The following YARS1 variants were observed in gnomAD, a reference collection of about 807,000 sequenced individuals.
YARS1 encodes tyrosyl-tRNA synthetase 1.
In YARS1, 36 loss-of-function variants were observed where a neutral mutation model predicts 62.2. The observed-to-expected ratio is 0.58, with a 90% CI of 0.44 to 0.76. YARS1 has a LOEUF of 0.76. Ranked by LOEUF, YARS1 falls within the 30% of genes least tolerant of loss-of-function variation. YARS1 has a pLI of 0.00. For synonymous variants in YARS1, 234 were observed against 244.9 expected (o/e 0.96, Z 0.42); for missense variants, 524 against 639.8 (o/e 0.82, Z 1.95).
intron 2 of YARS1, 29 bp from the exon 3 acceptor site, chr1:32,810,795 T>C: frequency 4.3e-6 from 7 of 1,614,164 alleles, no homozygotes; most frequent in Non-Finnish European, 5.1e-6. Context: ...GCCACCAAAA[T>C]GTGAATTTGT....
At position 32,817,317 on chromosome 1, in the gene YARS1, T is replaced by C; in HGVS notation, c.-73A>G. On this transcript the variant is annotated 5_prime_UTR_variant, in exon 1 of 13. Transcript: ENST00000373477. Reference sequence around the variant, plus strand: ...TTCCTGGGTCACCGTCGCCGCCGCGTGCCGGGAACTGTCACGCGAGTCCAG... The same window carrying C: ...TTCCTGGGTCACCGTCGCCGCCGCGCGCCGGGAACTGTCACGCGAGTCCAG... 6.3e-7 allele frequency: 1 copy of C among 1,586,808 alleles called. No homozygotes were observed. Among genetic ancestry groups the C allele is most frequent in the Non-Finnish European group, 8.6e-7 (1 of 1,160,216 alleles).
chr1:32,782,304 C>G (rs545661054), intron 9 of YARS1, 100 bp downstream of exon 9: 9 of 1,593,638 alleles, frequency 5.6e-6, no homozygotes, highest in Non-Finnish European at 7.7e-6. Context: ...CTTCAGACCC[C>G]CTGGGTTGTT....
At position 32,775,777 on chromosome 1, in the gene YARS1, G is replaced by T. The variant is rs772114341; in HGVS notation, c.*204C>A. 1.3e-5 allele frequency: 8 copies of T among 607,720 alleles called. No individual in the cohort carries two copies. Among genetic ancestry groups the T allele is most frequent in the Non-Finnish European group, 2.4e-5 (8 of 338,098 alleles). The allele number at this position is 607,720 out of a possible 1,614,324, so 37.6% of individuals were successfully genotyped here. On this transcript the variant is annotated 3_prime_UTR_variant, in exon 13 of 13. Coordinates refer to ENST00000373477, the MANE Select transcript of YARS1 (RefSeq NM_003680.4). ...CTGCTGTGGCCCAGCCCTTGTTAGGGGTTGGTCTCTCACTGCAGCCAGACA... is the reference window on the plus strand; with the variant it reads ...CTGCTGTGGCCCAGCCCTTGTTAGGTGTTGGTCTCTCACTGCAGCCAGACA...
chr1:32,811,046 C>T lies in YARS1; in HGVS notation c.69G>A (p.Gly23=). The change falls in exon 2 of 13, where the codon GGG becomes GGA. Residue 23 remains glycine, a synonymous_variant. Transcript: ENST00000373477. ...LITRNLQEVL[G]EEKLKEILKE... is the part of the protein sequence containing the mutation. ...TCAGTATCTCCTTCAGCTTCTCTTC[C>T]CCCAGAACCTCCTATTGTGGAAGCA... 1 of 1,614,114 alleles carries T rather than the reference C, an allele frequency of 6.2e-7. No homozygotes were observed.
intron 9 of YARS1, chr1:32,782,181 G>T: frequency 1.6e-6 from 1 of 644,054 alleles, no homozygotes; most frequent in Non-Finnish European, 2.6e-6. Flanking sequence ...TACACCAGCA[G>T]CTCTCAGCAA....
At chr1:32,805,477 C>T (rs1263177303) in intron 4 of YARS1, among the ~76,000 whole-genome samples, 2 of 152,102 alleles carry the variant, frequency 1.3e-5, no homozygotes, top group East Asian at 3.9e-4. Context: ...TCTATATCAG[C>T]ATAAGTGAAA....
chr1:32,799,528 A>T lies in YARS1; in HGVS notation c.511-1685T>A, dbSNP rs139287297. Among the ~76,000 whole-genome samples the T allele has an allele frequency of 7.7e-3, 1,169 of 152,336 alleles. 14 individuals are homozygous for T. The highest frequency in any genetic ancestry group is 0.026 in the African/African-American group (1,084 of 41,580). On this transcript the variant is annotated intron_variant, in intron 4 of 12. Coordinates refer to ENST00000373477, the MANE Select transcript of YARS1 (RefSeq NM_003680.4). ...AGCAAGAATGAATTTAAGACATTTT[A>T]AAAAAGTAGAATCGATAAGATTTAG...
intron 8 of YARS1, 84 bp from the exon 9 acceptor site, chr1:32,782,623 G>A: frequency 6.3e-7 from 1 of 1,578,798 alleles, no homozygotes; most frequent in African/African-American, 1.3e-5. Flanking sequence ...GATCAAGGGA[G>A]TTTTTCCCAA....
rs1251917740 is a variant in YARS1 at position 32,786,298 on chromosome 1, ACAGT to A, written c.906+60_906+63del. 3.6e-5 allele frequency: 55 copies of A among 1,521,456 alleles called. No homozygotes were observed. In the East Asian group the frequency reaches 1.2e-3, roughly 33 times the overall value. 94.2% of individuals were successfully genotyped at this position (1,521,456 alleles called of 1,614,324 possible). On this transcript the variant is annotated intron_variant, in intron 8 of 12. Transcript: ENST00000373477. ...AACAAGTTGTTCTAAACAAGTTCTA[ACAGT>A]CAGCAAAAAATAACAAAATACAGAT...
chr1:32,786,893 CTT>C (rs776917593), intron 7 of YARS1, 45 bp downstream of exon 7: 6 of 1,613,168 alleles, frequency 3.7e-6, no homozygotes, highest in Non-Finnish European at 4.2e-6. Context: ...ACAGCACGAA[CTT>C]TTCTATTCTA....
intron 4 of YARS1, among the ~76,000 whole-genome samples, chr1:32,801,700 G>A (rs962687503): frequency 2.6e-5 from 4 of 152,122 alleles, no homozygotes; most frequent in African/African-American, 9.7e-5. Context: ...TTTCAATATT[G>A]GAGTCCATCC....
At chr1:32,778,005 G>A (rs1463168219) in intron 12 of YARS1, among the ~76,000 whole-genome samples, 1 of 151,942 alleles carries the variant, frequency 6.6e-6, no homozygotes, top group Non-Finnish European at 1.5e-5. Context: ...GATTCACAAA[G>A]TCAGCCTAGA....
chr1:32,800,912 A>G (rs934012565), intron 4 of YARS1, among the ~76,000 whole-genome samples: 11 of 152,192 alleles, frequency 7.2e-5, no homozygotes, highest in Non-Finnish European at 1.6e-4. Flanking sequence ...TCGTACAAAT[A>G]TATGTGCACA....
At chr1:32,807,692 G>C (rs1404710080) in intron 3 of YARS1, among the ~76,000 whole-genome samples, 2 of 151,956 alleles carry the variant, frequency 1.3e-5, no homozygotes, top group Non-Finnish European at 2.9e-5. Flanking sequence ...TGCTGGGCTC[G>C]AGCAATCTGC....
Position 32,782,496 on chromosome 1 carries a change from A to G in YARS1, c.950T>C (p.Leu317Pro), listed in dbSNP as rs1653092786. The part of the protein sequence containing the change: ...GDLKNSVEVA[L>P]NKLLDPIREK... Reference sequence around the variant, plus strand: ...CCGGATTGGATCCAGCAACTTGTTCAGTGCGACTTCAACAGAATTCTTCAG... The same window carrying G: ...CCGGATTGGATCCAGCAACTTGTTCGGTGCGACTTCAACAGAATTCTTCAG... Residue 317 changes from leucine (L) to proline (P), a missense_variant, in exon 9 of 13, where the codon CTG becomes CCG. Coordinates refer to ENST00000373477, the MANE Select transcript of YARS1 (RefSeq NM_003680.4). The G allele has an allele frequency of 5.0e-6, 8 of 1,614,062 alleles. No homozygotes were observed. Among genetic ancestry groups the G allele is most frequent in the Non-Finnish European group, 6.8e-6 (8 of 1,180,044 alleles).
chr1:32,815,978 G>A (rs948486553), intron 1 of YARS1, among the ~76,000 whole-genome samples: 1 of 151,832 alleles, frequency 6.6e-6, no homozygotes, highest in African/African-American at 2.4e-5. Flanking sequence ...GCGTGGGGGC[G>A]GTCACCTGTA....
At chr1:32,790,976 A>C (rs1267808380) in intron 6 of YARS1, 186 bp downstream of exon 6, 15 of 623,426 alleles carry the variant, frequency 2.4e-5, no homozygotes, top group Non-Finnish European at 4.3e-5. Context: ...AGTTATGATT[A>C]GATCTCATCA....
chr1:32,779,325 T>A (rs1652979268), intron 12 of YARS1, 57 bp downstream of exon 12: 1 of 1,613,832 alleles, frequency 6.2e-7, no homozygotes, highest in South Asian at 1.1e-5. Flanking sequence ...AACAGGACAG[T>A]CTGGGGACAC....
chr1:32,783,118 A>G (rs542772560), intron 8 of YARS1: 14 of 157,072 alleles, frequency 8.9e-5, no homozygotes, highest in African/African-American at 3.1e-4. Context: ...TGCCTCCCAA[A>G]GTGCTAGGAT....
Sources: allele counts gnomAD v4.1 joint callset (sites outside exome capture counted in the v4.1 genomes callset), GRCh38; gene constraint gnomAD v4.1.1; transcripts MANE v1.5; gene names NCBI Gene and HGNC (gene_info 2026-07-23, HGNC 2026-07-21).